Variants in STAT4 observed in about 807,000 individuals in gnomAD.
STAT4 encodes the protein signal transducer and activator of transcription 4.
STAT4 carries 42 observed loss-of-function variants against 110.5 expected under a neutral mutation model. The ratio of observed to expected loss-of-function variants is 0.38; its 90% CI spans 0.30 to 0.49. STAT4 has a LOEUF of 0.49. STAT4 is among the 20% of genes least tolerant of loss of function. STAT4 has a pLI of 0.95. For missense variants in STAT4, 632 were observed against 887.9 expected, an observed-to-expected ratio of 0.71 and a Z score of 3.66; for synonymous variants, 284 against 302.2, an observed-to-expected ratio of 0.94 and a Z score of 0.63.
chr2:191,046,466 AG>A lies in STAT4; in HGVS notation c.1252-5319del, dbSNP rs1696357104. On this transcript the variant is annotated intron_variant, in intron 14 of 23. Transcript: ENST00000392320. This position sits in a 1 kb window ranked among gnomAD's most constrained non-coding sequence, Gnocchi z 4.6. ...CTGTGCCTAGATATGTTTGCACTGA[AG>A]GTGTCATCTGTGCTTGGGAGAGTAG... is the stretch of plus-strand genomic sequence containing the variant. 6.6e-6 allele frequency among the ~76,000 whole-genome samples: 1 copy of A among 152,104 alleles called. No homozygotes were observed. Among genetic ancestry groups the A allele is most frequent in the Non-Finnish European group, 1.5e-5 (1 of 68,026 alleles).
chr2:191,136,006 A>G (rs571637070), intron 3 of STAT4, among the ~76,000 whole-genome samples: 70 of 6,028 alleles, frequency 0.012, 1 homozygote, highest in African/African-American at 0.025. Context: ...AGCATCTCAG[A>G]AAAAAAAAAA....
At chr2:191,137,344 A>C (rs888343692) in intron 3 of STAT4, among the ~76,000 whole-genome samples, 1 of 152,216 alleles carries the variant, frequency 6.6e-6, no homozygotes, top group African/African-American at 2.4e-5. Context: ...AAAAAAGAAA[A>C]AAAATTGAAG....
upstream of STAT4, chr2:191,151,466 T>A (rs1699588825): frequency 1.0e-6 from 1 of 985,414 alleles, no homozygotes; most frequent in African/African-American, 1.7e-5. The surrounding 1 kb of genome is among the most constrained non-coding windows in gnomAD (Gnocchi z 4.7). Flanking sequence ...TGGGCTCCAA[T>A]TCCAGCGGGG....
In STAT4 at chr2:191,077,202, A is replaced by C. The variant is rs1025045495; in HGVS notation, c.274-877T>G. ...GGCAGCCTGTGGGCCTAATTCAGCC[A>C]TCAGTTACTTGGTGCAAATTAAAAT... On this transcript the variant is annotated intron_variant, in intron 3 of 23. Coordinates refer to ENST00000392320, the MANE Select transcript of STAT4 (RefSeq NM_003151.4). The surrounding 1 kb of genome is among the most constrained non-coding windows in gnomAD (Gnocchi z 4.1). 6.6e-6 allele frequency among the ~76,000 whole-genome samples: 1 copy of C among 152,216 alleles called. No homozygotes were observed. The highest frequency in any genetic ancestry group is 1.5e-5 in the Non-Finnish European group (1 of 68,038).
chr2:191,058,218 T>C lies in STAT4; in HGVS notation c.1096A>G (p.Asn366Asp). The change falls in exon 12 of 24, where the codon AAT (asparagine) becomes GAT (aspartate). Residue 366 changes from asparagine to aspartate, a missense_variant and splice_region_variant. Coordinates refer to ENST00000392320, the MANE Select transcript of STAT4 (RefSeq NM_003151.4). This position sits in a 1 kb window ranked among gnomAD's most constrained non-coding sequence, Gnocchi z 4.3. ...QVKVKASIDK[N>D]VSTLSNRRFV... Reference sequence around the variant, plus strand: ...ATGTCTTACCTTAGAGTTGAAACATTCCTGTAAAACCAAGAAGATTCTTTA... The same window carrying C: ...ATGTCTTACCTTAGAGTTGAAACATCCCTGTAAAACCAAGAAGATTCTTTA... The C allele has an allele frequency of 6.2e-7, 1 of 1,613,394 alleles. No homozygotes were observed. The highest frequency in any genetic ancestry group is 1.7e-5 in the Admixed American group (1 of 59,950).
chr2:191,147,449 T>C lies in STAT4; in HGVS notation c.128+627A>G, dbSNP rs553459593. ...TGTGATTCCAATTATCTAAAGTACC[T>C]AGAGTAGTCAAATTCACAGAGACAG... On this transcript the variant is annotated intron_variant, in intron 2 of 23. Coordinates refer to ENST00000392320, the MANE Select transcript of STAT4 (RefSeq NM_003151.4). The surrounding 1 kb of genome is among the most constrained non-coding windows in gnomAD (Gnocchi z 4.1). 6.6e-6 allele frequency among the ~76,000 whole-genome samples: 1 copy of C among 152,208 alleles called. No individual in the cohort carries two copies. Among genetic ancestry groups the C allele is most frequent in the Non-Finnish European group, 1.5e-5 (1 of 67,986 alleles).
At position 191,147,563 on chromosome 2, in the gene STAT4, A is replaced by C. The variant is rs373295545; in HGVS notation, c.128+513T>G. Among the ~76,000 whole-genome samples, 218 of 152,268 alleles carry C rather than the reference A, an allele frequency of 1.4e-3. 2 individuals are homozygous for C. Among genetic ancestry groups the C allele is most frequent in the African/African-American group, 5.0e-3 (208 of 41,564 alleles). On this transcript the variant is annotated intron_variant, in intron 2 of 23. Coordinates refer to ENST00000392320, the MANE Select transcript of STAT4 (RefSeq NM_003151.4). This position sits in a 1 kb window ranked among gnomAD's most constrained non-coding sequence, Gnocchi z 4.1. Reference sequence around the variant, plus strand: ...ACAGAGTTTCAGTTTGGAAAGATGAAAAAGTTCTGCAGATGGATGGTGGTG... The same window carrying C: ...ACAGAGTTTCAGTTTGGAAAGATGACAAAGTTCTGCAGATGGATGGTGGTG...
intron 3 of STAT4, among the ~76,000 whole-genome samples, chr2:191,103,909 T>G (rs1698209379): frequency 6.6e-6 from 1 of 152,286 alleles, no homozygotes; most frequent in Middle Eastern, 3.4e-3. Flanking sequence ...ATCTACAGTT[T>G]TTTCCCTAGC....
rs1344866502 is a variant in STAT4, at chr2:191,147,039, T to C, written c.129-282A>G. Among the ~76,000 whole-genome samples, 1 of 152,072 alleles carries C rather than the reference T, an allele frequency of 6.6e-6. No individual in the cohort carries two copies. The highest frequency in any genetic ancestry group is 1.9e-4 in the East Asian group (1 of 5,196). On this transcript the variant is annotated intron_variant, in intron 2 of 23. Transcript: ENST00000392320. This position sits in a 1 kb window ranked among gnomAD's most constrained non-coding sequence, Gnocchi z 4.1. ...AGTGTTGGTGAGGATACAGAGAAAT[T>C]GTGCAATGCTGGTGGGAAGGTAAAA... is the stretch of plus-strand genomic sequence containing the variant.
chr2:191,080,720 T>C (rs1574137180), intron 3 of STAT4, among the ~76,000 whole-genome samples: 1 of 152,234 alleles, frequency 6.6e-6, no homozygotes, highest in African/African-American at 2.4e-5. Flanking sequence ...CATGGAATCA[T>C]TGAGAACCAG....
In STAT4 at chr2:191,033,664, T is replaced by C; in HGVS notation, c.1716-38A>G. The C allele has an allele frequency of 1.2e-5, 19 of 1,598,104 alleles. No individual in the cohort carries two copies. Among genetic ancestry groups the C allele is most frequent in the Non-Finnish European group, 1.6e-5 (19 of 1,174,088 alleles). ...CATGCATTATTTCATCTGATCATTA[T>C]TGGATTTTCACTTATTGCATTTACA... On this transcript the variant is annotated intron_variant, in intron 19 of 23. Transcript: ENST00000392320. The surrounding 1 kb of genome is among the most constrained non-coding windows in gnomAD (Gnocchi z 6.9).
At chr2:191,044,551 C>T (rs1419732771) in intron 14 of STAT4, among the ~76,000 whole-genome samples, 2 of 152,072 alleles carry the variant, frequency 1.3e-5, no homozygotes, top group African/African-American at 2.4e-5. Context: ...AAAAAGGAGA[C>T]AGTAACCTAA....
chr2:191,109,937 G>A (rs1018358775), intron 3 of STAT4, among the ~76,000 whole-genome samples: 2 of 152,186 alleles, frequency 1.3e-5, no homozygotes, highest in South Asian at 2.1e-4. Flanking sequence ...GAATATCAAC[G>A]CTCTAGCTAG....
intron 6 of STAT4, among the ~76,000 whole-genome samples, chr2:191,069,352 G>T (rs1007056764): frequency 6.6e-6 from 1 of 151,926 alleles, no homozygotes; most frequent in Non-Finnish European, 1.5e-5. Flanking sequence ...TTTTGTTTCT[G>T]TGATAATTAT....
chr2:191,149,837 A>G (rs1559089714), intron 1 of STAT4, among the ~76,000 whole-genome samples: 2 of 152,372 alleles, frequency 1.3e-5, no homozygotes, highest in East Asian at 3.8e-4. Flanking sequence ...GTTTTTCATC[A>G]TACTATTGTT....
At chr2:191,151,270 C>T, upstream of STAT4, 1 of 985,574 alleles carries the variant, frequency 1.0e-6, no homozygotes, top group Non-Finnish European at 1.2e-6. The surrounding 1 kb of genome is among the most constrained non-coding windows in gnomAD (Gnocchi z 4.7). Context: ...AGGGGAGGGG[C>T]GGGGCATACA....
intron 14 of STAT4, among the ~76,000 whole-genome samples, chr2:191,049,194 A>ATTTT: frequency 1.7e-5 from 2 of 115,524 alleles, no homozygotes; most frequent in Non-Finnish European, 3.4e-5. Flanking sequence ...TTTTTTTGAG[A>ATTTT]GATGGAGTCT....
At chr2:191,076,023 ATTTT>A in intron 4 of STAT4, 200 bp downstream of exon 4, 2 of 413,320 alleles carry the variant, frequency 4.8e-6, no homozygotes, top group South Asian at 3.4e-5. Flanking sequence ...CTAATTTTTA[ATTTT>A]TTTTTTTTTG....
chr2:191,063,859 C>A (rs574532464), intron 8 of STAT4, among the ~76,000 whole-genome samples: 2 of 152,280 alleles, frequency 1.3e-5, no homozygotes, highest in South Asian at 4.1e-4. Flanking sequence ...GACAAGTAGG[C>A]CTGGCAGGGC....
Sources: allele counts gnomAD v4.1 joint callset (sites outside exome capture counted in the v4.1 genomes callset), GRCh38; gene constraint gnomAD v4.1.1; non-coding constraint Gnocchi (gnomAD v3.1); transcripts MANE v1.5; gene names NCBI Gene and HGNC (gene_info 2026-07-23, HGNC 2026-07-21).